RAB27B: variants seen among roughly 807,000 people sequenced by gnomAD.
The protein encoded by RAB27B is RAB27B, member RAS oncogene family.
A neutral mutation model predicts 24.6 loss-of-function variants in RAB27B; 15 were observed. The ratio of observed to expected loss-of-function variants is 0.61; its 90% CI spans 0.41 to 0.94. RAB27B has a LOEUF of 0.94. RAB27B is among the 40% of genes least tolerant of loss of function. RAB27B has a pLI of 0.00. For synonymous variants in RAB27B, 105 were observed against 92.5 expected (o/e 1.14, Z -0.78); for missense variants, 261 against 266.8 (o/e 0.98, Z 0.15).
chr18:54,815,313 T>G (rs1910088813), intron 2 of RAB27B, among the ~76,000 whole-genome samples: 1 of 152,166 alleles, frequency 6.6e-6, no homozygotes. Flanking sequence ...TCCTCCCCTG[T>G]TTTAAACTTG....
chr18:54,816,959 T>G (rs935468042), intron 2 of RAB27B, among the ~76,000 whole-genome samples: 1 of 152,210 alleles, frequency 6.6e-6, no homozygotes, highest in African/African-American at 2.4e-5. Context: ...GAAATGTATT[T>G]GCTATAGACT....
intron 2 of RAB27B, among the ~76,000 whole-genome samples, chr18:54,786,008 C>T (rs1396808115): frequency 6.6e-6 from 1 of 152,348 alleles, no homozygotes; most frequent in South Asian, 2.1e-4. Flanking sequence ...ACCACATTCT[C>T]TTTCCATGCT....
chr18:54,749,737 A>G (rs1451038756), intron 2 of RAB27B, among the ~76,000 whole-genome samples: 1 of 152,230 alleles, frequency 6.6e-6, no homozygotes, highest in Non-Finnish European at 1.5e-5. Context: ...TCTTGAGATA[A>G]GGAGAGCTAA....
intron 2 of RAB27B, among the ~76,000 whole-genome samples, chr18:54,755,453 A>T (rs1265196286): frequency 6.6e-6 from 1 of 152,166 alleles, no homozygotes; most frequent in East Asian, 1.9e-4. Flanking sequence ...TGTATTAAAA[A>T]ATAGTTTCTC....
intron 2 of RAB27B, chr18:54,745,023 A>T: frequency 5.6e-6 from 1 of 178,444 alleles, no homozygotes; most frequent in South Asian, 1.2e-4. Context: ...GTTTGCTGCT[A>T]CCACTTGAGT....
At chr18:54,740,074 A>G (rs1449156836) in intron 2 of RAB27B, among the ~76,000 whole-genome samples, 2 of 152,172 alleles carry the variant, frequency 1.3e-5, no homozygotes, top group East Asian at 1.9e-4. Flanking sequence ...TTAATTTGAT[A>G]TAGTCCCACT....
intron 2 of RAB27B, among the ~76,000 whole-genome samples, chr18:54,783,568 T>C (rs548267198): frequency 6.6e-6 from 1 of 152,126 alleles, no homozygotes; most frequent in Non-Finnish European, 1.5e-5. Context: ...CATGTCAGTC[T>C]CTTAAAGTTT....
rs558756859 is a variant in RAB27B, at chr18:54,887,202, A to G, written c.344-793A>G. 3.3e-5 allele frequency among the ~76,000 whole-genome samples: 5 copies of G among 151,644 alleles called. No individual in the cohort carries two copies. In the East Asian group the frequency reaches 9.7e-4, roughly 29 times the overall value. ...GATTAAAAAATGCTCCACACTATAG[A>G]TCATCATTTCGGAGGTTAGAGAAAG... On this transcript the variant is annotated intron_variant, in intron 4 of 5. Coordinates refer to ENST00000262094, the MANE Select transcript of RAB27B (RefSeq NM_004163.4).
chr18:54,844,897 A>C (rs538801949), intron 1 of RAB27B, among the ~76,000 whole-genome samples: 156 of 152,054 alleles, frequency 1.0e-3, no homozygotes, highest in Middle Eastern at 6.8e-3. Context: ...GTGAAAATGG[A>C]GGTATAGGGA....
intron 2 of RAB27B, among the ~76,000 whole-genome samples, chr18:54,749,976 T>C (rs1416990504): frequency 2.0e-5 from 3 of 152,194 alleles, no homozygotes; most frequent in African/African-American, 7.2e-5. Flanking sequence ...TAAATATACC[T>C]ACTGTTATTG....
intron 1 of RAB27B, among the ~76,000 whole-genome samples, chr18:54,870,055 C>T (rs1292979476): frequency 6.6e-6 from 1 of 152,008 alleles, no homozygotes; most frequent in East Asian, 1.9e-4. Flanking sequence ...CAGATAATCC[C>T]AAGAATACAT....
chr18:54,888,004 A>G lies in RAB27B; in HGVS notation c.353A>G (p.Gln118Arg). The part of the protein sequence containing the change: ...LNVRNWMSQL[Q>R]ANAYCENPDI... ...CTGCTTTCTTTTCAAGGCCAACTGC[A>G]AGCAAATGCTTATTGTGAAAATCCA... Residue 118 changes from glutamine (Q) to arginine (R), a missense_variant, in exon 5 of 6, where the codon CAA (glutamine) becomes CGA (arginine). Gln to Arg is a conservative substitution (Grantham distance 43). Coordinates refer to ENST00000262094, the MANE Select transcript of RAB27B (RefSeq NM_004163.4). 6.2e-7 allele frequency: 1 copy of G among 1,610,498 alleles called. No homozygotes were observed. Among genetic ancestry groups the G allele is most frequent in the Admixed American group, 1.7e-5 (1 of 59,690 alleles).
At chr18:54,763,770 A>G (rs894536718) in intron 2 of RAB27B, among the ~76,000 whole-genome samples, 4 of 152,112 alleles carry the variant, frequency 2.6e-5, no homozygotes, top group African/African-American at 7.2e-5. Flanking sequence ...CCCTGGGCAC[A>G]TCCATTTTAA....
intron 2 of RAB27B, among the ~76,000 whole-genome samples, chr18:54,806,627 C>G (rs1909799143): frequency 6.7e-6 from 1 of 149,856 alleles, no homozygotes; most frequent in Admixed American, 6.7e-5. Flanking sequence ...GATATTGTAT[C>G]ATAACATCTT....
intron 2 of RAB27B, among the ~76,000 whole-genome samples, chr18:54,796,305 G>A (rs993698441): frequency 6.6e-6 from 1 of 152,188 alleles, no homozygotes; most frequent in African/African-American, 2.4e-5. Context: ...TTCCATCTTT[G>A]CCATCTGCAG....
At chr18:54,770,757 A>G (rs930794323) in intron 2 of RAB27B, among the ~76,000 whole-genome samples, 1 of 151,582 alleles carries the variant, frequency 6.6e-6, no homozygotes, top group East Asian at 1.9e-4. Context: ...TTGCTATACC[A>G]CGTTGTTTAA....
chr18:54,746,913 A>G (rs553969243), intron 2 of RAB27B, among the ~76,000 whole-genome samples: 2 of 152,272 alleles, frequency 1.3e-5, no homozygotes, highest in African/African-American at 2.4e-5. Context: ...TATAACACAA[A>G]CCAACCTTTA....
At chr18:54,835,205 T>C (rs1910847617) in intron 1 of RAB27B, among the ~76,000 whole-genome samples, 1 of 151,932 alleles carries the variant, frequency 6.6e-6, no homozygotes, top group African/African-American at 2.4e-5. Context: ...CATGTCTTAG[T>C]GCCTTTGAAA....
At chr18:54,744,646 A>T (rs1358538963) in intron 2 of RAB27B, 2 of 152,276 alleles carry the variant, frequency 1.3e-5, no homozygotes, top group Non-Finnish European at 2.9e-5. Flanking sequence ...TACAATAATT[A>T]TGTGTCAGTT....
Sources: gnomAD v4.1 joint callset for allele counts (sites outside exome capture counted in the v4.1 genomes callset) on GRCh38, gnomAD v4.1.1 for gene constraint, MANE v1.5 for transcripts, NCBI Gene and HGNC (gene_info 2026-07-23, HGNC 2026-07-21) for gene names.